The following PLXNA4 variants were observed in gnomAD, a reference collection of about 807,000 sequenced individuals.
PLXNA4 encodes plexin A4, also known as plexin-A4.
In PLXNA4, 44 loss-of-function variants were observed where a neutral mutation model predicts 191.8. The observed-to-expected ratio is 0.23, with a 90% confidence interval of 0.18 to 0.29. PLXNA4 has a LOEUF of 0.29. PLXNA4 is among the 10% of genes least tolerant of loss of function. PLXNA4 has a pLI of 1.00. For missense variants in PLXNA4, 1,800 were observed against 2,488.8 expected, an observed-to-expected ratio of 0.72 and a Z score of 5.89; for synonymous variants, 1,082 against 1,009.5, an observed-to-expected ratio of 1.07 and a Z score of -1.36.
intron 2 of PLXNA4, among the ~76,000 whole-genome samples, chr7:132,502,532 G>A (rs996129363): frequency 6.6e-6 from 1 of 152,106 alleles, no homozygotes; most frequent in Non-Finnish European, 1.5e-5. Context: ...AACTTCCACT[G>A]GTGCTCAGCA....
intron 2 of PLXNA4, among the ~76,000 whole-genome samples, chr7:132,497,818 G>C (rs538894579): frequency 5.8e-4 from 89 of 152,226 alleles, no homozygotes; most frequent in South Asian, 1.0e-3. Context: ...AACAATGCTG[G>C]AGTGAGGGCT....
chr7:132,416,470 G>C (rs1032991413), intron 3 of PLXNA4, among the ~76,000 whole-genome samples: 3 of 152,156 alleles, frequency 2.0e-5, no homozygotes, highest in Non-Finnish European at 4.4e-5. Flanking sequence ...TATGTCGAAG[G>C]CTCTTCCCAT....
At chr7:132,591,141 G>A (rs1802597314) in intron 2 of PLXNA4, among the ~76,000 whole-genome samples, 2 of 152,166 alleles carry the variant, frequency 1.3e-5, no homozygotes, top group South Asian at 4.1e-4. Context: ...CTAATCAAGA[G>A]TCAAGGTGTC....
chr7:132,274,773 T>TC (rs1360769779), intron 4 of PLXNA4, among the ~76,000 whole-genome samples: 1 of 148,808 alleles, frequency 6.7e-6, no homozygotes, highest in Non-Finnish European at 1.5e-5. Context: ...ATCCTTTTTT[T>TC]TTTTTTTTTT....
chr7:132,616,705 A>T (rs1276609535), intron 2 of PLXNA4, among the ~76,000 whole-genome samples: 1 of 152,214 alleles, frequency 6.6e-6, no homozygotes, highest in Non-Finnish European at 1.5e-5. Flanking sequence ...AATATAACTC[A>T]ACATTCTATT....
At chr7:132,385,860 A>G (rs1368983179) in intron 3 of PLXNA4, among the ~76,000 whole-genome samples, 3 of 152,248 alleles carry the variant, frequency 2.0e-5, no homozygotes, top group Admixed American at 2.0e-4. Flanking sequence ...TCAATAAATC[A>G]TAAGCACAAA....
At chr7:132,597,906 C>T (rs911700962) in intron 2 of PLXNA4, among the ~76,000 whole-genome samples, 8 of 151,484 alleles carry the variant, frequency 5.3e-5, no homozygotes, top group African/African-American at 1.5e-4. Context: ...TTCTCAATAG[C>T]ACTCCATCGT....
At chr7:132,472,076 A>G (rs1157773172) in intron 3 of PLXNA4, among the ~76,000 whole-genome samples, 3 of 152,212 alleles carry the variant, frequency 2.0e-5, no homozygotes, top group Non-Finnish European at 2.9e-5. Context: ...GTTTGCTTGT[A>G]ACCACGCTCC....
At chr7:132,419,223 C>A (rs1347229) in intron 3 of PLXNA4, among the ~76,000 whole-genome samples, 42 of 152,290 alleles carry the variant, frequency 2.8e-4, no homozygotes, top group African/African-American at 9.4e-4. Context: ...TGGGGCCAGG[C>A]ATCGTGTCCT....
At chr7:132,292,939 A>G (rs992153255) in intron 4 of PLXNA4, among the ~76,000 whole-genome samples, 2 of 152,202 alleles carry the variant, frequency 1.3e-5, no homozygotes, top group African/African-American at 4.8e-5. Flanking sequence ...GAGTTTTCAC[A>G]GCAGAGGAAA....
In PLXNA4 at chr7:132,564,229, C is replaced by A. The variant is rs562132184; in HGVS notation, c.-87+12193G>T. On this transcript the variant is annotated intron_variant, in intron 1 of 31. Transcript: ENST00000321063. Reference sequence around the variant, plus strand: ...CTCCTCCTTCTCCTTTCTCCTCCTCCTCCTCTTCCTCCTCCTCCTTCTGCT... The same window carrying A: ...CTCCTCCTTCTCCTTTCTCCTCCTCATCCTCTTCCTCCTCCTCCTTCTGCT... Among the ~76,000 whole-genome samples the A allele has an allele frequency of 2.1e-3, 284 of 134,258 alleles. 1 individual carries two copies. Among genetic ancestry groups the A allele is most frequent in the Non-Finnish European group, 3.0e-3 (189 of 63,578 alleles). 88.1% of individuals were successfully genotyped at this position (134,258 alleles called of 152,430 possible).
At chr7:132,616,286 T>G (rs1803156387) in intron 2 of PLXNA4, among the ~76,000 whole-genome samples, 1 of 152,222 alleles carries the variant, frequency 6.6e-6, no homozygotes, top group Non-Finnish European at 1.5e-5. Flanking sequence ...CAGCTTCCTC[T>G]GTCTACCTTG....
At chr7:132,511,633 A>G (rs192853136) in intron 1 of PLXNA4, among the ~76,000 whole-genome samples, 155 of 152,312 alleles carry the variant, frequency 1.0e-3, no homozygotes, top group African/African-American at 3.6e-3. Context: ...TGCCTAGCAC[A>G]GTTAAGTGCT....
At chr7:132,273,712 C>A (rs926843649) in intron 4 of PLXNA4, among the ~76,000 whole-genome samples, 2 of 152,060 alleles carry the variant, frequency 1.3e-5, no homozygotes, top group Non-Finnish European at 2.9e-5. Context: ...AGCTTGTTTC[C>A]CCCCATTTAT....
At chr7:132,502,280 G>A (rs1379032909) in intron 2 of PLXNA4, among the ~76,000 whole-genome samples, 1 of 152,172 alleles carries the variant, frequency 6.6e-6, no homozygotes, top group Admixed American at 6.5e-5. Context: ...AAACCAGTGA[G>A]TCAAAGGAAC....
intron 5 of PLXNA4, among the ~76,000 whole-genome samples, chr7:132,240,408 A>G (rs964930967): frequency 6.6e-6 from 1 of 152,232 alleles, no homozygotes. Context: ...TGAATAATAA[A>G]ATGGAGCCAC....
intron 2 of PLXNA4, among the ~76,000 whole-genome samples, chr7:132,507,068 C>A (rs535664520): frequency 6.6e-6 from 1 of 152,328 alleles, no homozygotes; most frequent in East Asian, 1.9e-4. Context: ...TCCTCTCCTT[C>A]TACCATATGG....
At chr7:132,641,966 ATG>A (rs905545389) in intron 2 of PLXNA4, among the ~76,000 whole-genome samples, 1 of 152,174 alleles carries the variant, frequency 6.6e-6, no homozygotes, top group Non-Finnish European at 1.5e-5. Context: ...ATGTGGGGAA[ATG>A]TGTGTGTGTT....
intron 4 of PLXNA4, among the ~76,000 whole-genome samples, chr7:132,268,393 A>G (rs1213830787): frequency 2.6e-5 from 4 of 152,166 alleles, no homozygotes; most frequent in African/African-American, 4.8e-5. Flanking sequence ...CACTTTCCTC[A>G]TTCCCAAATA....
Sources: allele counts gnomAD v4.1 joint callset (sites outside exome capture counted in the v4.1 genomes callset), GRCh38; gene constraint gnomAD v4.1.1; transcripts MANE v1.5; gene names NCBI Gene and HGNC (gene_info 2026-07-23, HGNC 2026-07-21).